Variants in FMR1NB observed in about 807,000 individuals in gnomAD.
The protein encoded by FMR1NB is FMR1 neighbor.
Under a neutral mutation model 16.8 loss-of-function variants are expected in FMR1NB, and 10 were observed. The ratio of observed to expected loss-of-function variants is 0.60; its 90% CI spans 0.37 to 1.01. The LOEUF (loss-of-function observed/expected upper bound fraction) is 1.01, where lower values mean the gene tolerates loss of function less well. Ranked by LOEUF, FMR1NB falls within the 50% of genes least tolerant of loss-of-function variation. The probability of loss-of-function intolerance (pLI) is 0.01; values close to 1 mark genes in which losing one functional copy is unlikely to be tolerated. For synonymous variants in FMR1NB, 83 were observed against 79.1 expected (o/e 1.05, Z -0.26); for missense variants, 205 against 204.8 (o/e 1.00, Z 0.00).
At chrX:147,998,703 C>G (rs782286860) in intron 1 of FMR1NB, among the ~76,000 whole-genome samples, 29 of 112,739 alleles carry the variant, frequency 2.6e-4, no homozygotes, top group Middle Eastern at 4.6e-3. Context: ...TTCTTTTACA[C>G]TTTCAAATAA....
At chrX:148,003,518 A>G (rs1023675222) in intron 2 of FMR1NB, among the ~76,000 whole-genome samples, 198 bp downstream of exon 2, 4 of 112,423 alleles carry the variant, frequency 3.6e-5, no homozygotes, top group Admixed American at 9.5e-5. Flanking sequence ...GATATTTACC[A>G]CAAAGAATTA....
chrX:148,023,068 G>C (rs2044687204), intron 4 of FMR1NB, among the ~76,000 whole-genome samples: 1 of 111,307 alleles, frequency 9.0e-6, no homozygotes. Context: ...ATTTGTTGCA[G>C]AAATGTTACT....
chrX:147,981,567 A>G lies in FMR1NB; in HGVS notation c.165A>G (p.Pro55=). The change falls in exon 1 of 6, where the codon CCA becomes CCG. Residue 55 remains proline, a synonymous_variant. Transcript: ENST00000370467. ...YEAAMADRPQ[P]GWRESLKMRV... ...CCGCCATGGCTGACAGGCCTCAGCCAGGATGGCGGGAATCTCTAAAGATGC... is the reference window on the plus strand; with the variant it reads ...CCGCCATGGCTGACAGGCCTCAGCCGGGATGGCGGGAATCTCTAAAGATGC... 1 of 1,212,068 alleles carries G rather than the reference A, an allele frequency of 8.3e-7. No homozygotes were observed. Among genetic ancestry groups the G allele is most frequent in the Non-Finnish European group, 1.1e-6 (1 of 895,554 alleles).
At chrX:147,991,647 CTTTTTTT>C (rs782065632) in intron 1 of FMR1NB, among the ~76,000 whole-genome samples, 2 of 87,373 alleles carry the variant, frequency 2.3e-5, no homozygotes, top group Non-Finnish European at 4.3e-5. Flanking sequence ...GGCCTTCCTT[CTTTTTTT>C]TTTTTTTTTT....
chrX:148,012,184 A>T (rs1351568324), intron 4 of FMR1NB, among the ~76,000 whole-genome samples: 1 of 61,155 alleles, frequency 1.6e-5, no homozygotes, highest in Non-Finnish European at 3.0e-5. Flanking sequence ...TAAGGGGAAG[A>T]GAAAAAGGGA....
rs1557190889 is a variant in FMR1NB, at chrX:148,024,954, T to C, written c.722T>C (p.Met241Thr). 1 of 1,209,132 alleles carries C rather than the reference T, an allele frequency of 8.3e-7. No individual in the cohort carries two copies. Among genetic ancestry groups the C allele is most frequent in the Admixed American group, 2.2e-5 (1 of 45,686 alleles). The change falls in exon 5 of 6, where the codon ATG becomes ACG. Residue 241 changes from methionine to threonine, a missense_variant. Met to Thr is a moderately conservative substitution (Grantham distance 81). Transcript: ENST00000370467. ...AGGAAGCGAAAGAGGAAGTCTGAAA[T>C]GTTACAGAAAGCAGCAAGAGGACGT... ...QRRKRKRKSE[M>T]LQKAARGREE... is the part of the protein sequence containing the mutation.
At chrX:148,011,221 G>A (rs193237302) in intron 4 of FMR1NB, among the ~76,000 whole-genome samples, 9 of 110,160 alleles carry the variant, frequency 8.2e-5, no homozygotes, top group African/African-American at 1.7e-4. Flanking sequence ...CCGAGATCGC[G>A]TCACTGCACT....
At position 148,006,683 on chromosome X, in the gene FMR1NB, A is replaced by G; in HGVS notation, c.398-19A>G. ...CTAACCATGCTGAATTCTCTTTCTTAAATTTCTGTTTTTAAAAGCTTGCAA... is the reference window on the plus strand; with the variant it reads ...CTAACCATGCTGAATTCTCTTTCTTGAATTTCTGTTTTTAAAAGCTTGCAA... On this transcript the variant is annotated intron_variant, in intron 2 of 5. Coordinates refer to ENST00000370467, the MANE Select transcript of FMR1NB (RefSeq NM_152578.3). The G allele has an allele frequency of 8.4e-7, 1 of 1,187,516 alleles. No individual in the cohort carries two copies. Among genetic ancestry groups the G allele is most frequent in the South Asian group, 1.9e-5 (1 of 52,425 alleles).
intron 4 of FMR1NB, among the ~76,000 whole-genome samples, chrX:148,020,853 G>T (rs1217268368): frequency 1.8e-5 from 2 of 112,196 alleles, no homozygotes; most frequent in East Asian, 5.6e-4. Context: ...GCAGCCTGGA[G>T]TTAGGGGAGG....
At chrX:147,983,286 G>T (rs1263712623) in intron 1 of FMR1NB, among the ~76,000 whole-genome samples, 1 of 111,863 alleles carries the variant, frequency 8.9e-6, no homozygotes, top group Non-Finnish European at 1.9e-5. Context: ...GGGTCATATG[G>T]GAACTCCATT....
At chrX:147,992,282 AGG>A (rs782400768) in intron 1 of FMR1NB, among the ~76,000 whole-genome samples, 1 of 67,078 alleles carries the variant, frequency 1.5e-5, no homozygotes, top group Non-Finnish European at 2.9e-5. Context: ...CTGGCCGGGC[AGG>A]GGGGCTGACC....
intron 1 of FMR1NB, 107 bp from the exon 2 acceptor site, chrX:148,003,094 A>G: frequency 1.2e-6 from 1 of 808,378 alleles, no homozygotes; most frequent in Non-Finnish European, 1.8e-6. Context: ...TCTGTTAGCT[A>G]TTTGACATTC....
At chrX:148,008,154 A>G (rs1318384489) in intron 3 of FMR1NB, 1 of 115,819 alleles carries the variant, frequency 8.6e-6, no homozygotes, top group Non-Finnish European at 1.8e-5. Flanking sequence ...ACCAGGCTAG[A>G]CCTTGCTTAG....
chrX:148,006,007 G>C (rs1485839563), intron 2 of FMR1NB, among the ~76,000 whole-genome samples: 3 of 111,622 alleles, frequency 2.7e-5, no homozygotes, highest in African/African-American at 9.8e-5. Flanking sequence ...ATCTAATATT[G>C]TGCTTTTTAG....
chrX:148,010,720 A>G (rs1185370791), intron 4 of FMR1NB, among the ~76,000 whole-genome samples: 4 of 111,785 alleles, frequency 3.6e-5, no homozygotes, highest in African/African-American at 1.3e-4. Context: ...ACCAAAAGCT[A>G]TTATGACTAT....
chrX:148,004,140 A>G (rs1415933051), intron 2 of FMR1NB, among the ~76,000 whole-genome samples: 1 of 112,341 alleles, frequency 8.9e-6, no homozygotes, highest in African/African-American at 3.2e-5. Context: ...AGCAAAATAA[A>G]CAAGTTCCTT....
chrX:148,003,906 G>C (rs896693484), intron 2 of FMR1NB, among the ~76,000 whole-genome samples: 1 of 111,683 alleles, frequency 9.0e-6, no homozygotes, highest in African/African-American at 3.3e-5. Context: ...TCAAGGAGAA[G>C]CTTCATATAA....
chrX:148,020,134 A>T (rs1403432138), intron 4 of FMR1NB, among the ~76,000 whole-genome samples: 1 of 111,056 alleles, frequency 9.0e-6, no homozygotes. Context: ...AGTTCTTCCC[A>T]CTGTTTCTTC....
At chrX:148,018,913 G>T (rs1452489260) in intron 4 of FMR1NB, among the ~76,000 whole-genome samples, 1 of 110,891 alleles carries the variant, frequency 9.0e-6, no homozygotes, top group Admixed American at 9.6e-5. Flanking sequence ...GAAAATTTTC[G>T]CAACCTACTC....
Sources: allele counts gnomAD v4.1 joint callset (sites outside exome capture counted in the v4.1 genomes callset), GRCh38; gene constraint gnomAD v4.1.1; transcripts MANE v1.5; gene names NCBI Gene and HGNC (gene_info 2026-07-23, HGNC 2026-07-21).